Variants in SLC9C1 observed in about 807,000 individuals in gnomAD.
The protein encoded by SLC9C1 is solute carrier family 9 member C1.
A neutral mutation model predicts 140.9 loss-of-function variants in SLC9C1; 97 were observed. The observed-to-expected ratio is 0.69, with a 90% CI of 0.58 to 0.82. The LOEUF (loss-of-function observed/expected upper bound fraction) is 0.82, where lower values mean the gene tolerates loss of function less well. Among genes scored for constraint, SLC9C1 ranks in the 40% least tolerant of loss-of-function variants. SLC9C1 has a pLI of 0.00. For missense variants in SLC9C1, 1,340 were observed against 1,389.3 expected, an observed-to-expected ratio of 0.96 and a Z score of 0.56; for synonymous variants, 440 against 442.6, an observed-to-expected ratio of 0.99 and a Z score of 0.07.
At chr3:112,167,139 A>G (rs2077155648) in intron 26 of SLC9C1, 82 bp downstream of exon 26, 3 of 1,513,358 alleles carry the variant, frequency 2.0e-6, no homozygotes, top group Non-Finnish European at 2.7e-6. Flanking sequence ...GCAGAATGCA[A>G]ACAACAGTTT....
chr3:112,278,878 C>CAAATATTATACAAATAA, intron 3 of SLC9C1, 21 bp from the exon 4 acceptor site: 1 of 1,594,200 alleles, frequency 6.3e-7, no homozygotes, highest in Non-Finnish European at 8.5e-7. Context: ...ACAAATATAT[C>CAAATATTATACAAATAA]ATCTTCTCAT....
At chr3:112,168,476 A>C (rs1321029306) in intron 25 of SLC9C1, among the ~76,000 whole-genome samples, 2 of 152,224 alleles carry the variant, frequency 1.3e-5, no homozygotes, top group Non-Finnish European at 2.9e-5. Context: ...CTGTAGGAAT[A>C]CTACTAATAC....
At chr3:112,214,992 A>G (rs1336697166) in intron 15 of SLC9C1, among the ~76,000 whole-genome samples, 1 of 152,220 alleles carries the variant, frequency 6.6e-6, no homozygotes, top group African/African-American at 2.4e-5. Flanking sequence ...CCAGCAGCAC[A>G]TCAAAAAGCT....
At chr3:112,172,602 G>A (rs1001389087) in intron 23 of SLC9C1, among the ~76,000 whole-genome samples, 1 of 152,000 alleles carries the variant, frequency 6.6e-6, no homozygotes, top group African/African-American at 2.4e-5. Flanking sequence ...GAAGTGGTGA[G>A]AGTGGACATT....
intron 22 of SLC9C1, 59 bp from the exon 23 acceptor site, chr3:112,179,760 C>G: frequency 1.4e-6 from 2 of 1,422,794 alleles, no homozygotes; most frequent in Non-Finnish European, 1.9e-6. Context: ...ATTACCAAAA[C>G]TAATTTATGA....
At chr3:112,185,713 C>G in intron 20 of SLC9C1, 1 of 1,540,468 alleles carries the variant, frequency 6.5e-7, no homozygotes, top group Non-Finnish European at 8.7e-7. Context: ...TTGAGCTCCT[C>G]GGACACGGCG....
At chr3:112,215,363 A>G (rs1202695990) in intron 15 of SLC9C1, among the ~76,000 whole-genome samples, 9 of 152,196 alleles carry the variant, frequency 5.9e-5, no homozygotes, top group Non-Finnish European at 2.9e-5. Flanking sequence ...GGCCAGGGCA[A>G]TCAGGCAGGA....
At chr3:112,200,913 C>T in intron 18 of SLC9C1, 151 bp from the exon 19 acceptor site, 1 of 673,712 alleles carries the variant, frequency 1.5e-6, no homozygotes, top group Non-Finnish European at 2.5e-6. Context: ...GAATTTTGTG[C>T]CGCAGCACTT....
rs116676002 is a variant in SLC9C1 at position 112,190,668 on chromosome 3, T to A, written c.2524-8410A>T. On this transcript the variant is annotated intron_variant, in intron 20 of 28. Transcript: ENST00000305815. ...TTCTATTCTTTGATTATTAGGGATG[T>A]CAAATATCTTTTCAAACATTCATTG... Among the ~76,000 whole-genome samples the A allele has an allele frequency of 6.4e-3, 979 of 152,226 alleles. 11 individuals are homozygous for A. The highest frequency in any genetic ancestry group is 0.022 in the African/African-American group (898 of 41,556).
intron 13 of SLC9C1, among the ~76,000 whole-genome samples, chr3:112,230,746 G>T (rs560821986): frequency 6.6e-6 from 1 of 152,076 alleles, no homozygotes; most frequent in Non-Finnish European, 1.5e-5. Context: ...CACCCTAAGA[G>T]GACAATTCAT....
chr3:112,259,540 C>T (rs2079711949), intron 10 of SLC9C1, among the ~76,000 whole-genome samples: 1 of 151,844 alleles, frequency 6.6e-6, no homozygotes, highest in South Asian at 2.1e-4. Context: ...AAGCCAAATA[C>T]CATGTATCAC....
intron 8 of SLC9C1, among the ~76,000 whole-genome samples, chr3:112,265,139 A>G (rs2108299344): frequency 6.6e-6 from 1 of 152,166 alleles, no homozygotes; most frequent in East Asian, 1.9e-4. Flanking sequence ...AGATAGAATG[A>G]TTTAGAAATC....
chr3:112,219,944 A>C (rs914239931), intron 14 of SLC9C1, among the ~76,000 whole-genome samples: 14 of 152,144 alleles, frequency 9.2e-5, no homozygotes, highest in Admixed American at 2.6e-4. Flanking sequence ...ATTTATTAAA[A>C]ACTTCCACTG....
At chr3:112,275,173 C>G in intron 5 of SLC9C1, 148 bp from the exon 6 acceptor site, 2 of 782,858 alleles carry the variant, frequency 2.6e-6, no homozygotes, top group South Asian at 5.6e-5. Flanking sequence ...ATAATTGGCA[C>G]TAAATTAATT....
In SLC9C1 at chr3:112,151,956, G is replaced by A; in HGVS notation, c.3425C>T (p.Ala1142Val). 1 of 1,589,268 alleles carries A rather than the reference G, an allele frequency of 6.3e-7. No homozygotes were observed. The highest frequency in any genetic ancestry group is 1.2e-5 in the South Asian group (1 of 86,092). ...ACTCCTGGCAGTGGCGGCACTGTGT[G>A]CTCCATCCTGGGATTCAAAACACTT... Reference protein sequence around the residue: ...QEERNVKEDGAHSAATARSPQ... With the variant: ...QEERNVKEDGVHSAATARSPQ... The change falls in exon 28 of 29, where the codon GCA (alanine) becomes GTA (valine). Residue 1142 changes from alanine (A) to valine (V), a missense_variant. Ala to Val is a moderately conservative substitution (Grantham distance 64). Transcript: ENST00000305815.
chr3:112,259,377 T>C (rs2079705038), intron 10 of SLC9C1, among the ~76,000 whole-genome samples: 1 of 150,356 alleles, frequency 6.7e-6, no homozygotes, highest in Non-Finnish European at 1.5e-5. Flanking sequence ...TGATAAAATA[T>C]TCTCTACAAC....
At chr3:112,157,644 A>G (rs2075165242) in intron 26 of SLC9C1, among the ~76,000 whole-genome samples, 1 of 152,038 alleles carries the variant, frequency 6.6e-6, no homozygotes, top group Non-Finnish European at 1.5e-5. Flanking sequence ...AATTATTCCA[A>G]TCTATGAACA....
intron 25 of SLC9C1, 98 bp from the exon 26 acceptor site, chr3:112,167,445 G>A (rs2077160833): frequency 1.7e-6 from 2 of 1,165,590 alleles, no homozygotes; most frequent in Admixed American, 3.1e-5. Context: ...CTAGGTATCT[G>A]GGAAAAATGG....
intron 17 of SLC9C1, among the ~76,000 whole-genome samples, chr3:112,203,815 A>G (rs1278417640): frequency 1.3e-5 from 2 of 151,800 alleles, no homozygotes; most frequent in Non-Finnish European, 2.9e-5. Context: ...TTTTTCCTTG[A>G]TTTGTATAAA....
Sources: gnomAD v4.1 joint callset for allele counts (sites outside exome capture counted in the v4.1 genomes callset) on GRCh38, gnomAD v4.1.1 for gene constraint, MANE v1.5 for transcripts, NCBI Gene and HGNC (gene_info 2026-07-23, HGNC 2026-07-21) for gene names.